KIAA1217: variants seen among roughly 807,000 people sequenced by gnomAD.
KIAA1217 encodes sickle tail protein homolog.
A neutral mutation model predicts 163.9 loss-of-function variants in KIAA1217; 88 were observed. The ratio of observed to expected loss-of-function variants is 0.54; its 90% CI spans 0.45 to 0.64. The LOEUF is 0.64. Ranked by LOEUF, KIAA1217 falls within the 30% of genes least tolerant of loss-of-function variation. The pLI is 0.00. For synonymous variants in KIAA1217, 903 were observed against 923.1 expected, an observed-to-expected ratio of 0.98 and a Z score of 0.39; for missense variants, 2,372 against 2,475.0, an observed-to-expected ratio of 0.96 and a Z score of 0.88.
chr10:23,902,280 A>T (rs1841988788), intron 1 of KIAA1217, among the ~76,000 whole-genome samples: 1 of 152,144 alleles, frequency 6.6e-6, no homozygotes, highest in South Asian at 2.1e-4. Context: ...CAGAAAACCA[A>T]ATACCACACA....
At chr10:24,184,660 C>T (rs530402152) in intron 2 of KIAA1217, among the ~76,000 whole-genome samples, 84 of 152,306 alleles carry the variant, frequency 5.5e-4, no homozygotes, top group African/African-American at 2.0e-3. Flanking sequence ...AGGATTCCAG[C>T]CCATGGGGAG....
At chr10:23,745,987 A>C (rs1166985595) in intron 1 of KIAA1217, among the ~76,000 whole-genome samples, 1 of 152,156 alleles carries the variant, frequency 6.6e-6, no homozygotes, top group African/African-American at 2.4e-5. Context: ...ACTACACTGA[A>C]TGTCATTCAC....
At chr10:23,748,274 C>A (rs1234685172) in intron 1 of KIAA1217, among the ~76,000 whole-genome samples, 1 of 151,910 alleles carries the variant, frequency 6.6e-6, no homozygotes, top group Non-Finnish European at 1.5e-5. Context: ...GGTCTTTATC[C>A]CTGGGTCTTA....
intron 1 of KIAA1217, among the ~76,000 whole-genome samples, chr10:23,923,127 T>C (rs923879029): frequency 1.3e-5 from 2 of 152,152 alleles, no homozygotes; most frequent in African/African-American, 4.8e-5. Flanking sequence ...CCAAAGTCCA[T>C]TGTATCATTC....
chr10:24,202,628 C>G (rs924639416), intron 2 of KIAA1217, among the ~76,000 whole-genome samples: 9 of 152,294 alleles, frequency 5.9e-5, no homozygotes, highest in African/African-American at 2.2e-4. Context: ...TTCCCCTATC[C>G]TAGCAGCTCC....
At chr10:24,188,872 G>A (rs1276020776) in intron 2 of KIAA1217, among the ~76,000 whole-genome samples, 2 of 152,038 alleles carry the variant, frequency 1.3e-5, no homozygotes, top group African/African-American at 2.4e-5. Context: ...TTGGGAGGCC[G>A]AGGCGGGCAG....
chr10:24,326,035 G>A (rs2044835070), intron 2 of KIAA1217, among the ~76,000 whole-genome samples: 1 of 152,138 alleles, frequency 6.6e-6, no homozygotes. Context: ...CCCCGCTAAG[G>A]CCTGGTTGGA....
intron 2 of KIAA1217, among the ~76,000 whole-genome samples, chr10:24,324,900 CGACT>C (rs1307807703): frequency 2.6e-5 from 4 of 152,132 alleles, no homozygotes; most frequent in African/African-American, 9.7e-5. Context: ...CCCTATTCAG[CGACT>C]GACTGTTTAG....
intron 17 of KIAA1217, among the ~76,000 whole-genome samples, chr10:24,541,314 T>C (rs1317571623): frequency 3.3e-5 from 5 of 151,926 alleles, no homozygotes; most frequent in Non-Finnish European, 7.4e-5. Context: ...ATCATGGCAC[T>C]TGTTTGGGGG....
intron 2 of KIAA1217, among the ~76,000 whole-genome samples, chr10:24,380,116 C>G (rs944653488): frequency 6.6e-6 from 1 of 152,022 alleles, no homozygotes; most frequent in Non-Finnish European, 1.5e-5. Context: ...TGGAAACAGT[C>G]TTGGTATGAG....
chr10:23,980,692 C>A (rs944624036), intron 1 of KIAA1217, among the ~76,000 whole-genome samples: 2 of 152,144 alleles, frequency 1.3e-5, no homozygotes, highest in African/African-American at 4.8e-5. Flanking sequence ...TTCCTGATAC[C>A]TGTTGTTTCT....
intron 1 of KIAA1217, among the ~76,000 whole-genome samples, chr10:23,869,849 A>T (rs1330881184): frequency 1.3e-5 from 2 of 152,150 alleles, no homozygotes; most frequent in Non-Finnish European, 1.5e-5. Context: ...GCTTCTAAAC[A>T]AATATTTTTA....
chr10:23,916,280 C>T (rs544133045), intron 1 of KIAA1217, among the ~76,000 whole-genome samples: 21 of 152,286 alleles, frequency 1.4e-4, no homozygotes, highest in African/African-American at 4.8e-4. Flanking sequence ...ATTTCAATTA[C>T]GGCTTTCAAA....
At chr10:24,535,097 T>C (rs2073804266) in intron 16 of KIAA1217, among the ~76,000 whole-genome samples, 1 of 152,184 alleles carries the variant, frequency 6.6e-6, no homozygotes, top group Non-Finnish European at 1.5e-5. Flanking sequence ...GTGGAACCAC[T>C]TTCTGTGCTC....
chr10:23,758,044 A>C (rs1039183922), intron 1 of KIAA1217, among the ~76,000 whole-genome samples: 1 of 152,080 alleles, frequency 6.6e-6, no homozygotes, highest in Non-Finnish European at 1.5e-5. Flanking sequence ...TGATGCACAA[A>C]ATTTTTAAAT....
At chr10:24,161,642 G>T (rs189337295) in intron 2 of KIAA1217, among the ~76,000 whole-genome samples, 2 of 152,138 alleles carry the variant, frequency 1.3e-5, no homozygotes, top group East Asian at 1.9e-4. Flanking sequence ...ACTCAAAGTC[G>T]CAATAAAGAA....
intron 2 of KIAA1217, among the ~76,000 whole-genome samples, chr10:24,249,195 T>C (rs962821282): frequency 2.0e-5 from 3 of 152,234 alleles, no homozygotes; most frequent in African/African-American, 7.2e-5. Flanking sequence ...CTTCATAAAA[T>C]AGCTCAGTTC....
chr10:23,838,560 A>G (rs1838606372), intron 1 of KIAA1217, among the ~76,000 whole-genome samples: 1 of 152,024 alleles, frequency 6.6e-6, no homozygotes, highest in South Asian at 2.1e-4. Context: ...TCCGAGGCTC[A>G]AGCAATTCTC....
intron 3 of KIAA1217, among the ~76,000 whole-genome samples, chr10:24,392,905 G>A (rs12241834): frequency 0.022 from 3,306 of 151,958 alleles, 137 homozygotes; most frequent in African/African-American, 0.076. Flanking sequence ...ATGCCTTACT[G>A]TTTTCATAAA....
Sources: allele counts gnomAD v4.1 joint callset (sites outside exome capture counted in the v4.1 genomes callset), GRCh38; gene constraint gnomAD v4.1.1; transcripts MANE v1.5; gene names NCBI Gene and HGNC (gene_info 2026-07-23, HGNC 2026-07-21).